The following SLC1A6 variants were observed in gnomAD, a reference collection of about 807,000 sequenced individuals.
SLC1A6 encodes solute carrier family 1 member 6, also known as excitatory amino acid transporter 4.
SLC1A6 carries 15 observed loss-of-function variants against 42.1 expected under a neutral mutation model. The observed-to-expected ratio is 0.36, with a 90% CI of 0.24 to 0.55. The LOEUF (loss-of-function observed/expected upper bound fraction) is 0.55, where lower values mean the gene tolerates loss of function less well. SLC1A6 is among the 20% of genes least tolerant of loss of function. The probability of loss-of-function intolerance (pLI) is 0.88; values close to 1 mark genes in which losing one functional copy is unlikely to be tolerated. For synonymous variants in SLC1A6, 317 were observed against 319.7 expected (o/e 0.99, Z 0.09); for missense variants, 542 against 772.5 (o/e 0.70, Z 3.54).
At chr19:14,958,683 C>T (rs974608010) in intron 6 of SLC1A6, among the ~76,000 whole-genome samples, 45 of 152,140 alleles carry the variant, frequency 3.0e-4, no homozygotes, top group African/African-American at 1.0e-3. Context: ...CATCCTTCCA[C>T]CTCATCCCCT....
At chr19:14,999,113 C>T (rs1036820799) in intron 1 of SLC1A6, among the ~76,000 whole-genome samples, 2 of 152,090 alleles carry the variant, frequency 1.3e-5, no homozygotes, top group African/African-American at 4.8e-5. Flanking sequence ...CTCCTGACCT[C>T]GTGATTCACC....
chr19:14,962,349 A>G lies in SLC1A6; in HGVS notation c.592-4T>C. ...TCGTGCTGTACTGCGTCTTGAACTGAAATAGAGAGAGATTGCGCCCAGATT... is the reference window on the plus strand; with the variant it reads ...TCGTGCTGTACTGCGTCTTGAACTGGAATAGAGAGAGATTGCGCCCAGATT... On this transcript the variant is annotated splice_region_variant and splice_polypyrimidine_tract_variant and intron_variant, in intron 5 of 9. Transcript: ENST00000594383. 2 of 1,602,746 alleles carry G rather than the reference A, an allele frequency of 1.2e-6. No individual in the cohort carries two copies. Among genetic ancestry groups the G allele is most frequent in the Non-Finnish European group, 1.7e-6 (2 of 1,171,306 alleles).
intron 9 of SLC1A6, among the ~76,000 whole-genome samples, chr19:14,951,139 C>T (rs2045407598): frequency 6.9e-6 from 1 of 145,114 alleles, no homozygotes; most frequent in Admixed American, 6.9e-5. Context: ...GTAATCCCAG[C>T]TACTCGGGAG....
intron 1 of SLC1A6, among the ~76,000 whole-genome samples, chr19:15,002,373 C>A (rs2045876089): frequency 6.6e-6 from 1 of 152,160 alleles, no homozygotes; most frequent in South Asian, 2.1e-4. Context: ...TGGCTTCAAG[C>A]AATCCTCCTA....
At chr19:14,956,800 G>A in intron 6 of SLC1A6, 91 bp from the exon 7 acceptor site, 1 of 799,860 alleles carries the variant, frequency 1.3e-6, no homozygotes, top group Non-Finnish European at 2.0e-6. Flanking sequence ...GCCCATATAG[G>A]GCCCTGGAGC....
intron 1 of SLC1A6, among the ~76,000 whole-genome samples, chr19:14,997,678 G>C (rs889550931): frequency 6.6e-6 from 1 of 152,122 alleles, no homozygotes; most frequent in Admixed American, 6.5e-5. Flanking sequence ...GAATAGGCAG[G>C]GGACCCTCAG....
chr19:14,983,369 G>A (rs964107434), upstream of SLC1A6, among the ~76,000 whole-genome samples: 6 of 152,110 alleles, frequency 3.9e-5, no homozygotes, highest in African/African-American at 7.2e-5. Flanking sequence ...GAAGTGCTCA[G>A]TGTGTTTCTA....
upstream of SLC1A6, among the ~76,000 whole-genome samples, chr19:14,984,631 T>C (rs959227942): frequency 2.6e-5 from 4 of 152,232 alleles, no homozygotes; most frequent in Non-Finnish European, 5.9e-5. Flanking sequence ...TTGCATTCTG[T>C]TAATATTAAA....
chr19:14,961,762 A>C (rs2045513878), intron 6 of SLC1A6: 1 of 504,142 alleles, frequency 2.0e-6, no homozygotes, highest in Admixed American at 3.7e-5. Flanking sequence ...AAAGAGTGAG[A>C]TATTCCATGA....
intron 4 of SLC1A6, 145 bp from the exon 5 acceptor site, chr19:14,964,506 A>G (rs2045551737): frequency 2.8e-6 from 2 of 717,108 alleles, no homozygotes; most frequent in Middle Eastern, 2.4e-4. Flanking sequence ...CAAGCATCTT[A>G]CTATCATCTG....
At chr19:14,982,029 G>T (rs148558653), upstream of SLC1A6, among the ~76,000 whole-genome samples, 966 of 151,678 alleles carry the variant, frequency 6.4e-3, 35 homozygotes, top group Admixed American at 0.051. Context: ...CAGCACTCCA[G>T]CCTGGGCAAC....
At chr19:14,987,984 A>G (rs1482807889) in intron 1 of SLC1A6, among the ~76,000 whole-genome samples, 1 of 152,078 alleles carries the variant, frequency 6.6e-6, no homozygotes, top group African/African-American at 2.4e-5. Flanking sequence ...TCAGCCTCCC[A>G]AGTAGCTGAG....
At chr19:14,968,560 T>A in intron 3 of SLC1A6, 53 bp from the exon 4 acceptor site, 1 of 1,444,068 alleles carries the variant, frequency 6.9e-7, no homozygotes, top group Non-Finnish European at 9.4e-7. Context: ...CAACGCCAGC[T>A]CTCCTAGCAT....
rs2045745374 is a variant in SLC1A6, at chr19:14,979,108, ACCCTCTGCAGC to A, written c.-8+190_-8+200del. 2.0e-5 allele frequency among the ~76,000 whole-genome samples: 3 copies of A among 146,662 alleles called. No homozygotes were observed. The highest frequency in any genetic ancestry group is 7.6e-5 in the African/African-American group (3 of 39,514). ...CACACACACACACACTAATGCCCAGACCCTCTGCAGCCTCAGCCACATCAGATACATCTGAA... is the reference window on the plus strand; with the variant it reads ...CACACACACACACACTAATGCCCAGACTCAGCCACATCAGATACATCTGAA... On this transcript the variant is annotated intron_variant, in intron 1 of 9. Coordinates refer to ENST00000594383, the MANE Select transcript of SLC1A6 (RefSeq NM_005071.3). This position sits in a 1 kb window ranked among gnomAD's most constrained non-coding sequence, Gnocchi z 4.2.
chr19:14,980,672 G>T (rs1393949815), upstream of SLC1A6, among the ~76,000 whole-genome samples: 1 of 121,772 alleles, frequency 8.2e-6, no homozygotes, highest in African/African-American at 3.3e-5. Flanking sequence ...AAAAAAAAAA[G>T]TCAGTGCACG....
chr19:14,950,891 G>C (rs1447753103), intron 9 of SLC1A6, among the ~76,000 whole-genome samples: 2 of 151,594 alleles, frequency 1.3e-5, no homozygotes, highest in African/African-American at 4.9e-5. Context: ...GCTGCAGTGA[G>C]CTATGATCAT....
intron 6 of SLC1A6, 118 bp downstream of exon 6, chr19:14,961,884 A>C: frequency 6.9e-7 from 1 of 1,447,512 alleles, no homozygotes; most frequent in South Asian, 1.5e-5. Flanking sequence ...TGGGTAAGTG[A>C]ATCACCCAAT....
chr19:14,992,014 CGGGGT>C (rs1324720105), intron 1 of SLC1A6, among the ~76,000 whole-genome samples: 1 of 151,924 alleles, frequency 6.6e-6, no homozygotes, highest in Admixed American at 6.6e-5. Flanking sequence ...TTAGTAGAGA[CGGGGT>C]TTCACCATGT....
upstream of SLC1A6, among the ~76,000 whole-genome samples, chr19:14,982,678 C>G (rs527510491): frequency 1.3e-3 from 203 of 152,226 alleles, no homozygotes; most frequent in African/African-American, 4.1e-3. Context: ...CATATGGGAG[C>G]TGTCTGTACT....
Sources: allele counts gnomAD v4.1 joint callset (sites outside exome capture counted in the v4.1 genomes callset), GRCh38; gene constraint gnomAD v4.1.1; non-coding constraint Gnocchi (gnomAD v3.1); transcripts MANE v1.5; gene names NCBI Gene and HGNC (gene_info 2026-07-23, HGNC 2026-07-21).